The following N4BP2 variants were observed in gnomAD, a reference collection of about 807,000 sequenced individuals.
N4BP2 encodes NEDD4 binding protein 2.
A neutral mutation model predicts 152.8 loss-of-function variants in N4BP2; 91 were observed. That is an observed-to-expected ratio of 0.60 (90% CI 0.50 to 0.71). N4BP2 has a LOEUF of 0.71. N4BP2 is among the 30% of genes least tolerant of loss of function. N4BP2 has a pLI of 0.00. For missense variants in N4BP2, 1,923 were observed against 2,059.1 expected (o/e 0.93, Z 1.28); for synonymous variants, 646 against 705.3 (o/e 0.92, Z 1.33).
chr4:40,154,023 A>G (rs1247374308), intron 17 of N4BP2, among the ~76,000 whole-genome samples, 169 bp from the exon 18 acceptor site: 1 of 152,214 alleles, frequency 6.6e-6, no homozygotes, highest in Non-Finnish European at 1.5e-5. Flanking sequence ...GACCGTAGAT[A>G]AAAGGAACAC....
At chr4:40,146,902 GTTTTTATTTTTATT>G (rs1720580442) in intron 16 of N4BP2, among the ~76,000 whole-genome samples, 4 of 106,872 alleles carry the variant, frequency 3.7e-5, no homozygotes, top group Admixed American at 2.9e-4. Flanking sequence ...CCCAGGTAAT[GTTTTTATTTTTATT>G]TTTTTATTTT....
chr4:40,066,906 C>G (rs886291065), intron 1 of N4BP2, among the ~76,000 whole-genome samples: 2 of 152,038 alleles, frequency 1.3e-5, no homozygotes, highest in African/African-American at 4.8e-5. Context: ...CTTTCTGTGT[C>G]TAGAGTTTGA....
chr4:40,139,131 TAA>T (rs1488153138), intron 14 of N4BP2, among the ~76,000 whole-genome samples: 1 of 152,220 alleles, frequency 6.6e-6, no homozygotes, highest in Non-Finnish European at 1.5e-5. Context: ...CATCTTTTGT[TAA>T]GTTTATTTCT....
rs769146729 is a variant in N4BP2, at chr4:40,120,326, C to A, written c.2215C>A (p.Leu739Ile). ...TGAAAATAATCAAGAAGACTGTGATCTTGCAAATAGTGGACCACTTCAAAA... is the reference window on the plus strand; with the variant it reads ...TGAAAATAATCAAGAAGACTGTGATATTGCAAATAGTGGACCACTTCAAAA... ...CSENNQEDCD[L>I]ANSGPLQNEK... The change falls in exon 9 of 18, where the codon CTT becomes ATT. Residue 739 changes from leucine to isoleucine, a missense_variant. Transcript: ENST00000261435. 1 of 1,612,740 alleles carries A rather than the reference C, an allele frequency of 6.2e-7. No homozygotes were observed. The highest frequency in any genetic ancestry group is 8.5e-7 in the Non-Finnish European group (1 of 1,179,632).
intron 5 of N4BP2, among the ~76,000 whole-genome samples, chr4:40,109,604 G>C (rs1716674567): frequency 6.6e-6 from 1 of 152,030 alleles, no homozygotes; most frequent in Non-Finnish European, 1.5e-5. Flanking sequence ...TATAGTCCCA[G>C]CTACTTGAGA....
chr4:40,124,223 ATTTCT>A lies in N4BP2; in HGVS notation c.4330+19_4330+23del. The A allele has an allele frequency of 6.3e-7, 1 of 1,584,126 alleles. No individual in the cohort carries two copies. Among genetic ancestry groups the A allele is most frequent in the African/African-American group, 1.3e-5 (1 of 74,580 alleles). ...TATGCAAGGTAAAGCACATGTTTTTATTTCTAATGTCTTAATGTTGAAATTTGGTG... is the reference window on the plus strand; with the variant it reads ...TATGCAAGGTAAAGCACATGTTTTTAAATGTCTTAATGTTGAAATTTGGTG... On this transcript the variant is annotated intron_variant, in intron 11 of 17. Coordinates refer to ENST00000261435, the MANE Select transcript of N4BP2 (RefSeq NM_018177.6).
intron 2 of N4BP2, among the ~76,000 whole-genome samples, chr4:40,091,137 C>T (rs532058692): frequency 4.4e-4 from 66 of 151,358 alleles, no homozygotes; most frequent in African/African-American, 1.6e-3. Context: ...GTTAAACTCA[C>T]TTTCTTGTTG....
At position 40,120,527 on chromosome 4, in the gene N4BP2, A is replaced by T; in HGVS notation, c.2416A>T (p.Lys806Ter). ...TGGTCAGAGGACAAAAAGGAACAGA[A>T]AAACTGAAAAAACTTCATCCGTACA... ...TIGQRTKRNR[K>*]TEKTSSVQSD... The change falls in exon 9 of 18, where the codon AAA (lysine) becomes TAA (stop). Residue 806 changes from lysine to a stop codon, truncating the protein, a stop_gained. Transcript: ENST00000261435. LOFTEE classifies it high-confidence loss of function. The T allele has an allele frequency of 6.2e-7, 1 of 1,613,446 alleles. No homozygotes were observed. Among genetic ancestry groups the T allele is most frequent in the Non-Finnish European group, 8.5e-7 (1 of 1,179,866 alleles).
intron 2 of N4BP2, among the ~76,000 whole-genome samples, chr4:40,093,557 C>T (rs1217136126): frequency 2.0e-5 from 3 of 151,374 alleles, no homozygotes; most frequent in Non-Finnish European, 4.4e-5. Context: ...TAGGTGTGTG[C>T]CACCTTGCGT....
At position 40,122,329 on chromosome 4, in the gene N4BP2, C is replaced by T. The variant is rs373495561; in HGVS notation, c.4198+20C>T. 14 of 1,478,160 alleles carry T rather than the reference C, an allele frequency of 9.5e-6. No homozygotes were observed. The highest frequency in any genetic ancestry group is 6.3e-5 in the Admixed American group (3 of 47,796). The allele number at this position is 1,478,160 out of a possible 1,614,324, so 91.6% of individuals were successfully genotyped here. ...ATTCAGGTAAGGAAAAAGTAAATGACCATGTGTGTGTCTTTGTGTGACTAG... is the reference window on the plus strand; with the variant it reads ...ATTCAGGTAAGGAAAAAGTAAATGATCATGTGTGTGTCTTTGTGTGACTAG... On this transcript the variant is annotated intron_variant, in intron 9 of 17. Transcript: ENST00000261435.
chr4:40,172,071 T>G, the N4BP2 span, among the ~76,000 whole-genome samples: 1 of 152,246 alleles, frequency 6.6e-6, no homozygotes, highest in South Asian at 2.1e-4. Flanking sequence ...CACACCTGGC[T>G]AATTTTTTGT....
chr4:40,175,472 G>C, the N4BP2 span, among the ~76,000 whole-genome samples: 1 of 152,130 alleles, frequency 6.6e-6, no homozygotes, highest in African/African-American at 2.4e-5. Context: ...AACCAGTCTG[G>C]AGATCTGATG....
chr4:40,129,249 CAG>C (rs1718699542), intron 12 of N4BP2, among the ~76,000 whole-genome samples: 2 of 151,844 alleles, frequency 1.3e-5, no homozygotes, highest in African/African-American at 4.8e-5. Context: ...TTTTTTGAGA[CAG>C]AGTCTCGCTG....
the N4BP2 span, among the ~76,000 whole-genome samples, chr4:40,184,861 C>T: frequency 6.6e-6 from 1 of 152,018 alleles, no homozygotes; most frequent in Non-Finnish European, 1.5e-5. Context: ...GAGGCTGAGG[C>T]GTAAGAATCG....
At chr4:40,137,757 G>A (rs1486606718) in intron 14 of N4BP2, among the ~76,000 whole-genome samples, 8 of 152,168 alleles carry the variant, frequency 5.3e-5, no homozygotes, top group Non-Finnish European at 2.9e-5. Flanking sequence ...GTGGGCAAAA[G>A]CCTGTATTTT....
Position 40,120,999 on chromosome 4 carries a change from G to T in N4BP2, c.2888G>T (p.Cys963Phe). The change falls in exon 9 of 18, where the codon TGT becomes TTT. Residue 963 changes from cysteine to phenylalanine, a missense_variant. Physicochemically the swap from Cys to Phe is radical, Grantham distance 205. Coordinates refer to ENST00000261435, the MANE Select transcript of N4BP2 (RefSeq NM_018177.6). ...GAAATGACCTGTGAGAGTCAGACTT[G>T]TCTAAGTAAAAAGAGTCATGGGCAA... ...LSEMTCESQT[C>F]LSKKSHGQHT... 1 of 1,614,134 alleles carries T rather than the reference G, an allele frequency of 6.2e-7. No individual in the cohort carries two copies. The highest frequency in any genetic ancestry group is 8.5e-7 in the Non-Finnish European group (1 of 1,180,032).
At chr4:40,108,047 C>T (rs2109973620) in intron 5 of N4BP2, among the ~76,000 whole-genome samples, 1 of 151,934 alleles carries the variant, frequency 6.6e-6, no homozygotes, top group Middle Eastern at 3.4e-3. Context: ...CTCAGCCTCC[C>T]AGCCTGAGTA....
chr4:40,125,353 T>A (rs1210212079), intron 11 of N4BP2, among the ~76,000 whole-genome samples: 5 of 152,232 alleles, frequency 3.3e-5, no homozygotes, highest in African/African-American at 9.6e-5. Context: ...TTCAGTTCCT[T>A]ATTTTGAATA....
At chr4:40,153,037 C>T (rs1255409063) in intron 17 of N4BP2, 134 bp downstream of exon 17, 10 of 730,198 alleles carry the variant, frequency 1.4e-5, no homozygotes, top group African/African-American at 3.6e-5. Flanking sequence ...ACACTAATAG[C>T]GTACTCAGAA....
Sources: allele counts gnomAD v4.1 joint callset (sites outside exome capture counted in the v4.1 genomes callset), GRCh38; gene constraint gnomAD v4.1.1; transcripts MANE v1.5; gene names NCBI Gene and HGNC (gene_info 2026-07-23, HGNC 2026-07-21).